Variants in OSBPL8 observed in about 807,000 individuals in gnomAD.
OSBPL8 encodes oxysterol binding protein like 8.
Under a neutral mutation model 125.5 loss-of-function variants are expected in OSBPL8, and 59 were observed. The observed-to-expected ratio is 0.47, with a 90% CI of 0.38 to 0.58. The LOEUF (loss-of-function observed/expected upper bound fraction) is 0.58, where lower values mean the gene tolerates loss of function less well. OSBPL8 is among the 20% of genes least tolerant of loss of function. OSBPL8 has a pLI of 0.00. For missense variants in OSBPL8, 758 were observed against 1,047.8 expected (o/e 0.72, Z 3.82); for synonymous variants, 330 against 338.9 (o/e 0.97, Z 0.29).
intron 2 of OSBPL8, among the ~76,000 whole-genome samples, chr12:76,471,077 A>G (rs562921399): frequency 6.6e-6 from 1 of 152,318 alleles, no homozygotes; most frequent in Admixed American, 6.5e-5. Flanking sequence ...AGAATAAGAG[A>G]ATTAGAATAT....
chr12:76,424,045 G>A (rs1007938730), intron 4 of OSBPL8, among the ~76,000 whole-genome samples: 3 of 151,906 alleles, frequency 2.0e-5, no homozygotes, highest in South Asian at 4.2e-4. Context: ...CTGTCGCCCA[G>A]GCTAGAGTGC....
At chr12:76,388,560 T>A (rs1953420213) in intron 12 of OSBPL8, among the ~76,000 whole-genome samples, 1 of 152,204 alleles carries the variant, frequency 6.6e-6, no homozygotes, top group Admixed American at 6.5e-5. Context: ...AGAACGAGGA[T>A]ATAAAAGCTT....
At chr12:76,428,396 G>GA (rs561466994) in intron 4 of OSBPL8, among the ~76,000 whole-genome samples, 309 of 145,078 alleles carry the variant, frequency 2.1e-3, no homozygotes, top group Middle Eastern at 3.6e-3. Flanking sequence ...CTCTATTTAA[G>GA]AAAAAAAAAA....
chr12:76,403,995 G>A (rs1443967858), intron 5 of OSBPL8, among the ~76,000 whole-genome samples: 1 of 152,140 alleles, frequency 6.6e-6, no homozygotes, highest in African/African-American at 2.4e-5. Context: ...TCTGCTACTT[G>A]GTATGAAAGA....
intron 1 of OSBPL8, among the ~76,000 whole-genome samples, chr12:76,544,388 A>G (rs576030753): frequency 1.3e-5 from 2 of 152,328 alleles, no homozygotes; most frequent in Non-Finnish European, 2.9e-5. Flanking sequence ...CACAGAATGT[A>G]GGTTAAAAGA....
intron 3 of OSBPL8, among the ~76,000 whole-genome samples, chr12:76,453,074 T>C (rs893860231): frequency 1.3e-5 from 2 of 152,154 alleles, no homozygotes; most frequent in African/African-American, 2.4e-5. Context: ...ATGATTTTCA[T>C]TGTAGCTCCT....
chr12:76,483,849 AT>A (rs1424505447), intron 2 of OSBPL8, among the ~76,000 whole-genome samples: 1 of 151,332 alleles, frequency 6.6e-6, no homozygotes, highest in Non-Finnish European at 1.5e-5. Context: ...TAATTTTTGT[AT>A]TTTTAGTAGA....
intron 1 of OSBPL8, among the ~76,000 whole-genome samples, chr12:76,546,364 T>C (rs562633659): frequency 6.6e-6 from 1 of 152,290 alleles, no homozygotes; most frequent in African/African-American, 2.4e-5. Context: ...CTTCCCTCAG[T>C]AATGACAGGG....
chr12:76,396,350 T>C (rs1953803439), intron 8 of OSBPL8, among the ~76,000 whole-genome samples: 3 of 152,206 alleles, frequency 2.0e-5, no homozygotes, highest in Middle Eastern at 3.2e-3. Context: ...AGGATTAAGC[T>C]ACTTTTAGTT....
chr12:76,508,624 G>A (rs1880666562), intron 1 of OSBPL8, among the ~76,000 whole-genome samples: 1 of 152,184 alleles, frequency 6.6e-6, no homozygotes, highest in Admixed American at 6.5e-5. Flanking sequence ...AACAGGTTGT[G>A]ATAAAAGAAG....
At chr12:76,454,209 CA>C (rs776472257) in intron 3 of OSBPL8, among the ~76,000 whole-genome samples, 2 of 151,852 alleles carry the variant, frequency 1.3e-5, no homozygotes, top group Non-Finnish European at 2.9e-5. Context: ...AGGTATATAC[CA>C]AGAGACAAGA....
At chr12:76,445,673 A>G (rs535664684) in intron 4 of OSBPL8, among the ~76,000 whole-genome samples, 5 of 152,264 alleles carry the variant, frequency 3.3e-5, no homozygotes, top group Non-Finnish European at 5.9e-5. Flanking sequence ...ATATACCACT[A>G]AACACCTACT....
intron 1 of OSBPL8, among the ~76,000 whole-genome samples, chr12:76,515,576 T>C (rs1881453507): frequency 6.6e-6 from 1 of 152,158 alleles, no homozygotes; most frequent in Admixed American, 6.5e-5. Flanking sequence ...AGTATAGGTA[T>C]AGATTCCTCT....
chr12:76,451,122 A>G (rs1873353567), intron 3 of OSBPL8, 134 bp from the exon 4 acceptor site: 2 of 940,496 alleles, frequency 2.1e-6, no homozygotes, highest in East Asian at 5.6e-5. Context: ...CAATACTTTA[A>G]TAAATTCTCA....
chr12:76,475,248 T>C (rs983241178), intron 2 of OSBPL8, among the ~76,000 whole-genome samples: 6 of 145,788 alleles, frequency 4.1e-5, no homozygotes, highest in Admixed American at 6.7e-5. Context: ...CTCTGGCATG[T>C]CTTAAAACTT....
At chr12:76,425,562 A>G (rs1870047520) in intron 4 of OSBPL8, among the ~76,000 whole-genome samples, 1 of 152,158 alleles carries the variant, frequency 6.6e-6, no homozygotes, top group Admixed American at 6.5e-5. Context: ...CATTACCAAA[A>G]AGTCCCCCTG....
intron 4 of OSBPL8, among the ~76,000 whole-genome samples, chr12:76,439,514 A>G (rs1204241318): frequency 2.0e-5 from 3 of 152,212 alleles, no homozygotes; most frequent in African/African-American, 4.8e-5. Flanking sequence ...AGATGACAGA[A>G]TATGTATGTG....
At chr12:76,368,353 G>C (rs1022788393) in intron 21 of OSBPL8, among the ~76,000 whole-genome samples, 12 of 152,148 alleles carry the variant, frequency 7.9e-5, no homozygotes, top group African/African-American at 2.9e-4. Context: ...TTTGGCTTTT[G>C]ACAGTTTGTT....
In OSBPL8 at chr12:76,495,588, T is replaced by C. The variant is rs1879188081; in HGVS notation, c.-67-7970A>G. 3.9e-5 allele frequency among the ~76,000 whole-genome samples: 6 copies of C among 152,324 alleles called. No individual in the cohort carries two copies. The South Asian group carries it at 1.0e-3, about 26-fold the overall frequency. On this transcript the variant is annotated intron_variant, in intron 1 of 23. Coordinates refer to ENST00000261183, the MANE Select transcript of OSBPL8 (RefSeq NM_020841.5). ...CCAAAATATTATGCAAGTCTGATAC[T>C]ATGTCTCTATTCTCCAGACCTTGGA...
Sources: gnomAD v4.1 joint callset for allele counts (sites outside exome capture counted in the v4.1 genomes callset) on GRCh38, gnomAD v4.1.1 for gene constraint, MANE v1.5 for transcripts, NCBI Gene and HGNC (gene_info 2026-07-23, HGNC 2026-07-21) for gene names.